The following KAZN variants were observed in gnomAD, a reference collection of about 807,000 sequenced individuals.
KAZN encodes kazrin.
A neutral mutation model predicts 87.4 loss-of-function variants in KAZN; 40 were observed. The ratio of observed to expected loss-of-function variants is 0.46; its 90% CI spans 0.36 to 0.60. The LOEUF (loss-of-function observed/expected upper bound fraction) is 0.60. Among genes scored for constraint, KAZN ranks in the 20% least tolerant of loss-of-function variants. KAZN has a pLI of 0.00. For missense variants in KAZN, 898 were observed against 1,073.9 expected (o/e 0.84, Z 2.29); for synonymous variants, 466 against 458.3 (o/e 1.02, Z -0.22).
intron 1 of KAZN, among the ~76,000 whole-genome samples, chr1:14,957,529 G>A (rs902653809): frequency 1.6e-4 from 24 of 152,246 alleles, no homozygotes; most frequent in Non-Finnish European, 2.5e-4. Context: ...CAAGCACGCC[G>A]CTGGGGAGCG....
At chr1:14,216,751 A>G (rs1646964297) in intron 2 of KAZN, among the ~76,000 whole-genome samples, 1 of 152,048 alleles carries the variant, frequency 6.6e-6, no homozygotes, top group Non-Finnish European at 1.5e-5. Flanking sequence ...AAAAATACAA[A>G]AGATTAGCTG....
chr1:14,204,809 C>T (rs1027096127), intron 2 of KAZN, among the ~76,000 whole-genome samples: 8 of 152,172 alleles, frequency 5.3e-5, no homozygotes, highest in Non-Finnish European at 1.2e-4. Context: ...ATAGGTGACA[C>T]CTAATTAGAA....
intron 1 of KAZN, among the ~76,000 whole-genome samples, chr1:13,930,877 G>T (rs1369629877): frequency 6.6e-6 from 1 of 152,146 alleles, no homozygotes; most frequent in African/African-American, 2.4e-5. Flanking sequence ...ACACTCCAGT[G>T]GTCCTTAGGG....
chr1:14,869,946 C>A (rs1168467840), intron 1 of KAZN, among the ~76,000 whole-genome samples: 1 of 152,190 alleles, frequency 6.6e-6, no homozygotes, highest in East Asian at 1.9e-4. Flanking sequence ...ACACCCACCC[C>A]GGCATTACTT....
intron 1 of KAZN, among the ~76,000 whole-genome samples, chr1:14,608,476 A>G (rs1677548387): frequency 6.6e-6 from 1 of 152,246 alleles, no homozygotes. Flanking sequence ...CGTAATAAAA[A>G]CAGGCTGGAA....
intron 1 of KAZN, among the ~76,000 whole-genome samples, chr1:14,701,198 T>G (rs1378871320): frequency 6.6e-6 from 1 of 152,194 alleles, no homozygotes; most frequent in Non-Finnish European, 1.5e-5. Flanking sequence ...CTCACTGCAC[T>G]TAAGCCCAAC....
At chr1:14,525,607 A>G (rs1303664579) in intron 2 of KAZN, among the ~76,000 whole-genome samples, 1 of 152,258 alleles carries the variant, frequency 6.6e-6, no homozygotes, top group Admixed American at 6.5e-5. Context: ...CCAGCCATAC[A>G]TAAACAGGTG....
intron 2 of KAZN, among the ~76,000 whole-genome samples, chr1:14,192,624 T>C (rs769206378): frequency 6.6e-6 from 1 of 152,156 alleles, no homozygotes; most frequent in South Asian, 2.1e-4. Context: ...ATGTGTACCA[T>C]AGTTGAGTGT....
At chr1:13,904,194 G>T (rs941474157) in intron 1 of KAZN, among the ~76,000 whole-genome samples, 10 of 152,316 alleles carry the variant, frequency 6.6e-5, no homozygotes, top group Non-Finnish European at 1.0e-4. Context: ...GGGCGAGGAG[G>T]TGCCCTGGGA....
At chr1:14,693,143 T>A (rs982682309) in intron 1 of KAZN, among the ~76,000 whole-genome samples, 2 of 152,228 alleles carry the variant, frequency 1.3e-5, no homozygotes, top group Non-Finnish European at 2.9e-5. Flanking sequence ...TCTCGCCTTC[T>A]TCAGGGACAG....
chr1:14,887,667 T>TC (rs1166447851), intron 1 of KAZN, among the ~76,000 whole-genome samples: 1 of 93,014 alleles, frequency 1.1e-5, no homozygotes, highest in South Asian at 3.2e-4. Context: ...GTCGTGGTAG[T>TC]TTTTTTTTTT....
At chr1:14,123,875 G>A (rs911087067) in intron 1 of KAZN, among the ~76,000 whole-genome samples, 5 of 152,078 alleles carry the variant, frequency 3.3e-5, no homozygotes, top group Non-Finnish European at 7.4e-5. Context: ...CATCCATGCC[G>A]CCACCCTCTT....
intron 1 of KAZN, among the ~76,000 whole-genome samples, chr1:14,129,274 T>G (rs1339527081): frequency 6.6e-6 from 1 of 152,220 alleles, no homozygotes; most frequent in Non-Finnish European, 1.5e-5. Flanking sequence ...GGACACACTT[T>G]TGGTCTTTGG....
At chr1:15,069,161 A>G (rs1401985962) in intron 8 of KAZN, among the ~76,000 whole-genome samples, 1 of 152,152 alleles carries the variant, frequency 6.6e-6, no homozygotes, top group African/African-American at 2.4e-5. Flanking sequence ...GGCCACACGC[A>G]TGCCCCTACT....
intron 2 of KAZN, among the ~76,000 whole-genome samples, chr1:15,006,608 TG>T (rs1557709055): frequency 6.6e-6 from 1 of 152,236 alleles, no homozygotes; most frequent in African/African-American, 2.4e-5. Context: ...TTCCAGACAC[TG>T]TCCTAGGTGC....
At chr1:14,419,510 T>A (rs538108586) in intron 2 of KAZN, among the ~76,000 whole-genome samples, 2 of 152,188 alleles carry the variant, frequency 1.3e-5, no homozygotes, top group African/African-American at 4.8e-5. Flanking sequence ...GTTAGGCCAG[T>A]TCCCTCTGTG....
At chr1:14,933,650 G>C (rs181680394) in intron 1 of KAZN, among the ~76,000 whole-genome samples, 1 of 152,080 alleles carries the variant, frequency 6.6e-6, no homozygotes, top group East Asian at 1.9e-4. Flanking sequence ...TCTTATTTTA[G>C]AGACAAGGTT....
intron 1 of KAZN, among the ~76,000 whole-genome samples, chr1:13,913,787 C>G (rs1378669030): frequency 6.6e-6 from 1 of 152,216 alleles, no homozygotes; most frequent in Non-Finnish European, 1.5e-5. Context: ...AAAACACAGG[C>G]TCTCAGCCCC....
intron 2 of KAZN, among the ~76,000 whole-genome samples, chr1:14,231,964 G>C (rs1043136453): frequency 6.6e-6 from 1 of 152,142 alleles, no homozygotes; most frequent in African/African-American, 2.4e-5. Context: ...GAAGGGTCTG[G>C]GGGATGGCTT....
Sources: gnomAD v4.1 joint callset for allele counts (sites outside exome capture counted in the v4.1 genomes callset) on GRCh38, gnomAD v4.1.1 for gene constraint, MANE v1.5 for transcripts, NCBI Gene and HGNC (gene_info 2026-07-23, HGNC 2026-07-21) for gene names.